CMIP: variants seen among roughly 807,000 people sequenced by gnomAD.
CMIP encodes C-Maf-inducing protein.
In CMIP, 13 loss-of-function variants were observed where a neutral mutation model predicts 97.3. The observed-to-expected ratio is 0.13, with a 90% CI of 0.09 to 0.21. CMIP has a LOEUF of 0.21. CMIP is among the 10% of genes least tolerant of loss of function. The probability of loss-of-function intolerance (pLI) is 1.00; values close to 1 mark genes in which losing one functional copy is unlikely to be tolerated. For synonymous variants in CMIP, 538 were observed against 436.3 expected, an observed-to-expected ratio of 1.23 and a Z score of -2.91; for missense variants, 847 against 1,024.9, an observed-to-expected ratio of 0.83 and a Z score of 2.37.
chr16:81,457,113 C>T (rs957151130), intron 1 of CMIP, among the ~76,000 whole-genome samples: 2 of 152,072 alleles, frequency 1.3e-5, no homozygotes, highest in Non-Finnish European at 2.9e-5. Flanking sequence ...CTTCTGGCCT[C>T]AGCTTCCCCA....
At position 81,495,385 on chromosome 16, in the gene CMIP, G is replaced by T. The variant is rs115922424; in HGVS notation, c.300+49844G>T. On this transcript the variant is annotated intron_variant, in intron 1 of 20. Coordinates refer to ENST00000537098, the MANE Select transcript of CMIP (RefSeq NM_198390.3). The stretch of plus-strand genomic sequence containing the variant: ...TGGGCTGGGCGTGCATGGCATAACC[G>T]TTTGAGAACAACAAACCAAGCCGGC... 988 of 1,542,034 alleles carry T rather than the reference G, an allele frequency of 6.4e-4. 1 individual carries two copies. In the African/African-American group the frequency reaches 0.011, roughly 17 times the overall value.
intron 1 of CMIP, among the ~76,000 whole-genome samples, chr16:81,589,751 C>G (rs1020787268): frequency 6.6e-6 from 1 of 152,266 alleles, no homozygotes; most frequent in African/African-American, 2.4e-5. Context: ...GAGAAGCACA[C>G]ATACTCAGGC....
At chr16:81,579,279 C>A (rs1373756633) in intron 1 of CMIP, among the ~76,000 whole-genome samples, 1 of 152,150 alleles carries the variant, frequency 6.6e-6, no homozygotes, top group African/African-American at 2.4e-5. Context: ...CCTCCTGGGG[C>A]CTCCATGGGG....
chr16:81,711,374 T>A lies in CMIP; in HGVS notation c.*1575T>A, dbSNP rs936749408. 2.0e-5 allele frequency: 3 copies of A among 152,036 alleles called. No homozygotes were observed. Among genetic ancestry groups the A allele is most frequent in the East Asian group, 1.9e-4 (1 of 5,164 alleles). The allele number at this position is 152,036 out of a possible 1,614,324, so 9.4% of individuals were successfully genotyped here. ...CCCCCCCACTATGCCCTCATTTTTTTAAAAAAGGAAAAAAAAAAGAAACTG... is the reference window on the plus strand; with the variant it reads ...CCCCCCCACTATGCCCTCATTTTTTAAAAAAAGGAAAAAAAAAAGAAACTG... On this transcript the variant is annotated 3_prime_UTR_variant, in exon 21 of 21. Transcript: ENST00000537098.
chr16:81,593,505 C>T (rs746010680), intron 1 of CMIP, among the ~76,000 whole-genome samples: 25 of 152,216 alleles, frequency 1.6e-4, no homozygotes, highest in Non-Finnish European at 3.2e-4. Flanking sequence ...GTCGGTCACC[C>T]CATGCACCAG....
chr16:81,650,325 C>A (rs1475485943), intron 3 of CMIP, among the ~76,000 whole-genome samples: 1 of 152,090 alleles, frequency 6.6e-6, no homozygotes, highest in Non-Finnish European at 1.5e-5. Context: ...CTTTCTAATT[C>A]TTGATGTGCA....
At chr16:81,560,534 A>G (rs1179215822) in intron 1 of CMIP, among the ~76,000 whole-genome samples, 2 of 152,162 alleles carry the variant, frequency 1.3e-5, no homozygotes, top group African/African-American at 2.4e-5. Context: ...ACAATTTTTT[A>G]CAAATGTAGT....
chr16:81,491,606 C>T (rs551639430), intron 1 of CMIP, among the ~76,000 whole-genome samples: 2 of 152,308 alleles, frequency 1.3e-5, no homozygotes, highest in South Asian at 2.1e-4. Flanking sequence ...CCTACCCTAC[C>T]CAAGTATACA....
chr16:81,628,529 CTG>C (rs1400585934), intron 3 of CMIP, among the ~76,000 whole-genome samples: 1 of 152,200 alleles, frequency 6.6e-6, no homozygotes, highest in Non-Finnish European at 1.5e-5. Context: ...GATGTGGAAA[CTG>C]AGGCTGAGGT....
chr16:81,515,084 C>T (rs1420836113), intron 1 of CMIP, among the ~76,000 whole-genome samples: 1 of 152,252 alleles, frequency 6.6e-6, no homozygotes, highest in Non-Finnish European at 1.5e-5. Flanking sequence ...GGCCACGTGG[C>T]CTGTCCTGGC....
At chr16:81,688,057 A>G (rs901574778) in intron 10 of CMIP, among the ~76,000 whole-genome samples, 1 of 152,252 alleles carries the variant, frequency 6.6e-6, no homozygotes, top group Non-Finnish European at 1.5e-5. Flanking sequence ...CGTTATCAGC[A>G]GTGCTAATAC....
In CMIP at chr16:81,652,372, C is replaced by G. The variant is rs555703879; in HGVS notation, c.639+8C>G. 1.2e-6 allele frequency: 2 copies of G among 1,610,798 alleles called. No homozygotes were observed. Among genetic ancestry groups the G allele is most frequent in the East Asian group, 2.2e-5 (1 of 44,856 alleles). ...TCGAAACTGCTCTCAGAGGTAAAACCCCTCCCCTGGACCCCTTTACATTGT... is the reference window on the plus strand; with the variant it reads ...TCGAAACTGCTCTCAGAGGTAAAACGCCTCCCCTGGACCCCTTTACATTGT... On this transcript the variant is annotated splice_region_variant and intron_variant, in intron 4 of 20. Coordinates refer to ENST00000537098, the MANE Select transcript of CMIP (RefSeq NM_198390.3). The surrounding 1 kb of genome is among the most constrained non-coding windows in gnomAD (Gnocchi z 5.2).
chr16:81,467,287 A>G (rs552757939), intron 1 of CMIP, among the ~76,000 whole-genome samples: 1 of 152,154 alleles, frequency 6.6e-6, no homozygotes, highest in Non-Finnish European at 1.5e-5. Context: ...GGCGCTTGAC[A>G]ACCTTCTGCC....
intron 1 of CMIP, among the ~76,000 whole-genome samples, chr16:81,508,831 T>A (rs2089758785): frequency 6.6e-6 from 1 of 152,208 alleles, no homozygotes; most frequent in African/African-American, 2.4e-5. Flanking sequence ...ATCCTCATGG[T>A]GTCTCAGGGC....
intron 1 of CMIP, among the ~76,000 whole-genome samples, chr16:81,577,500 C>A (rs1292230843): frequency 6.7e-6 from 1 of 148,552 alleles, no homozygotes; most frequent in Non-Finnish European, 1.5e-5. Flanking sequence ...CTATCACCAT[C>A]ATCACCATCA....
At chr16:81,479,074 G>A (rs759745750) in intron 1 of CMIP, among the ~76,000 whole-genome samples, 7 of 152,216 alleles carry the variant, frequency 4.6e-5, no homozygotes, top group Admixed American at 1.3e-4. Flanking sequence ...CAGCTCTTTA[G>A]TTCTGCTATT....
At chr16:81,563,068 C>A (rs946669920) in intron 1 of CMIP, among the ~76,000 whole-genome samples, 1 of 152,210 alleles carries the variant, frequency 6.6e-6, no homozygotes, top group African/African-American at 2.4e-5. Flanking sequence ...GGCGCTGACC[C>A]GCCAGAGGAA....
intron 1 of CMIP, among the ~76,000 whole-genome samples, chr16:81,487,197 C>G (rs1338843955): frequency 1.3e-5 from 2 of 152,162 alleles, no homozygotes; most frequent in Non-Finnish European, 2.9e-5. Context: ...CTTTGGGGTG[C>G]CCCCTCCCCA....
At chr16:81,697,604 G>T (rs1018477246) in intron 14 of CMIP, 1 of 152,222 alleles carries the variant, frequency 6.6e-6, no homozygotes, top group Non-Finnish European at 1.5e-5. Context: ...TTGGCCTCTC[G>T]AGGTTACCGC....
Sources: allele counts gnomAD v4.1 joint callset (sites outside exome capture counted in the v4.1 genomes callset), GRCh38; gene constraint gnomAD v4.1.1; non-coding constraint Gnocchi (gnomAD v3.1); transcripts MANE v1.5; gene names NCBI Gene and HGNC (gene_info 2026-07-23, HGNC 2026-07-21).